Variants in PEBP4 observed in about 807,000 individuals in gnomAD.
PEBP4 encodes the protein phosphatidylethanolamine binding protein 4, also known as phosphatidylethanolamine-binding protein 4.
A neutral mutation model predicts 23.9 loss-of-function variants in PEBP4; 22 were observed. That is an observed-to-expected ratio of 0.92 (90% CI 0.66 to 1.31). The LOEUF is 1.31. PEBP4 is among the 40% of genes most tolerant of loss of function. The pLI, the probability that PEBP4 is intolerant of heterozygous loss-of-function variation, is 0.00. For synonymous variants in PEBP4, 112 were observed against 99.3 expected, an observed-to-expected ratio of 1.13 and a Z score of -0.76; for missense variants, 324 against 281.7, an observed-to-expected ratio of 1.15 and a Z score of -1.07.
At chr8:22,938,898 C>T (rs960513996) in intron 1 of PEBP4, among the ~76,000 whole-genome samples, 3 of 152,152 alleles carry the variant, frequency 2.0e-5, no homozygotes, top group Non-Finnish European at 4.4e-5. Flanking sequence ...TAAATAAGCA[C>T]GCACATATAA....
At chr8:22,818,401 T>A (rs1295713474) in intron 3 of PEBP4, among the ~76,000 whole-genome samples, 1 of 152,146 alleles carries the variant, frequency 6.6e-6, no homozygotes. Context: ...TGGGAAGTGT[T>A]CTGGAAGGAA....
chr8:22,741,744 G>A (rs1244545091), intron 4 of PEBP4, among the ~76,000 whole-genome samples: 5 of 152,306 alleles, frequency 3.3e-5, no homozygotes, highest in Middle Eastern at 6.8e-3. Context: ...GGAAGCCAGC[G>A]CCACCGTCCC....
At chr8:22,847,031 T>A (rs111573763) in intron 3 of PEBP4, among the ~76,000 whole-genome samples, 1 of 151,950 alleles carries the variant, frequency 6.6e-6, no homozygotes, top group African/African-American at 2.4e-5. Flanking sequence ...AAAAAGGGGA[T>A]CCTGGTAAAT....
At chr8:22,770,491 G>A (rs1274666220) in intron 4 of PEBP4, among the ~76,000 whole-genome samples, 1 of 152,192 alleles carries the variant, frequency 6.6e-6, no homozygotes, top group Non-Finnish European at 1.5e-5. Context: ...ATCCTTGGAG[G>A]CCCAGCCCAG....
At chr8:22,898,391 C>CAAAAAAAAAAAAAAAAA (rs536993520) in intron 3 of PEBP4, among the ~76,000 whole-genome samples, 1 of 7,972 alleles carries the variant, frequency 1.3e-4, no homozygotes, top group Admixed American at 1.5e-3. Context: ...GACTCCACCC[C>CAAAAAAAAAAAAAAAAA]AAAAAAAAAA....
rs758860034 is a variant in PEBP4 at position 22,713,324 on chromosome 8, G to C, written c.*46C>G. On this transcript the variant is annotated 3_prime_UTR_variant, in exon 7 of 7. Transcript: ENST00000256404. ...GAGGGGGTTCCATACCCACATCGTC[G>C]GTGGTGGGCAGTGTGGCCACATGCC... is the stretch of plus-strand genomic sequence containing the variant. 71 of 1,523,184 alleles carry C rather than the reference G, an allele frequency of 4.7e-5. No homozygotes were observed. The highest frequency in any genetic ancestry group is 6.1e-5 in the Non-Finnish European group (69 of 1,137,960). 94.4% of individuals were successfully genotyped at this position (1,523,184 alleles called of 1,614,324 possible).
At chr8:22,903,815 T>C (rs112077108) in intron 3 of PEBP4, among the ~76,000 whole-genome samples, 21 of 152,356 alleles carry the variant, frequency 1.4e-4, no homozygotes, top group Non-Finnish European at 2.1e-4. Context: ...CAGGGTTACC[T>C]GGTACCCAGC....
At position 22,765,923 on chromosome 8, in the gene PEBP4, A is replaced by G. The variant is rs1227980881; in HGVS notation, c.358-38703T>C. Among the ~76,000 whole-genome samples, 3 of 149,426 alleles carry G rather than the reference A, an allele frequency of 2.0e-5. No individual in the cohort carries two copies. In the Admixed American group the frequency reaches 2.0e-4, roughly 10 times the overall value. On this transcript the variant is annotated intron_variant, in intron 4 of 6. Transcript: ENST00000256404. The stretch of plus-strand genomic sequence containing the variant: ...ACCATTCATGGATCACCACCTGTGG[A>G]TCACCACCATTCATGGATCACCACC...
At chr8:22,892,067 C>A (rs536422173) in intron 3 of PEBP4, among the ~76,000 whole-genome samples, 2 of 149,606 alleles carry the variant, frequency 1.3e-5, no homozygotes, top group Non-Finnish European at 3.0e-5. Flanking sequence ...AGCAAGACTC[C>A]GTCTCAGAAA....
intron 3 of PEBP4, among the ~76,000 whole-genome samples, chr8:22,826,648 G>A (rs183366963): frequency 4.5e-4 from 68 of 152,290 alleles, no homozygotes; most frequent in African/African-American, 1.5e-3. Flanking sequence ...AAAAAGCAAG[G>A]CGCAGAACAG....
Position 22,758,496 on chromosome 8 carries a change from C to T in PEBP4, c.358-31276G>A, listed in dbSNP as rs187289242. On this transcript the variant is annotated intron_variant, in intron 4 of 6. Coordinates refer to ENST00000256404, the MANE Select transcript of PEBP4 (RefSeq NM_144962.3). ...TAGGTTGATTTGGCCTGTGGGCTGT[C>T]GTTTGCAGGGGGCCGGTTTACCTGG... Among the ~76,000 whole-genome samples the T allele has an allele frequency of 4.6e-3, 708 of 152,296 alleles. 6 individuals are homozygous for T. The highest frequency in any genetic ancestry group is 0.016 in the African/African-American group (681 of 41,542).
At chr8:22,719,355 T>G (rs1485675322) in intron 6 of PEBP4, among the ~76,000 whole-genome samples, 1 of 152,206 alleles carries the variant, frequency 6.6e-6, no homozygotes, top group Non-Finnish European at 1.5e-5. Context: ...GGATTTCCCC[T>G]GCTCGCTTGC....
chr8:22,729,571 C>T (rs56235220), intron 4 of PEBP4, among the ~76,000 whole-genome samples: 21,244 of 152,176 alleles, frequency 0.14, 1,907 homozygotes, highest in Middle Eastern at 0.21. Context: ...TCCTTTCACT[C>T]TGGGGAGCTT....
intron 3 of PEBP4, among the ~76,000 whole-genome samples, chr8:22,828,264 T>C (rs1807015032): frequency 6.6e-6 from 1 of 152,206 alleles, no homozygotes; most frequent in Admixed American, 6.5e-5. Flanking sequence ...CTTGAACTTC[T>C]GGTTTCCGGC....
intron 3 of PEBP4, among the ~76,000 whole-genome samples, chr8:22,876,505 A>G (rs1808124296): frequency 6.6e-6 from 1 of 152,198 alleles, no homozygotes; most frequent in Admixed American, 6.5e-5. Context: ...TTGGCAGGAC[A>G]ATACTTGGGA....
At chr8:22,883,133 T>C (rs148088364) in intron 3 of PEBP4, among the ~76,000 whole-genome samples, 161 of 152,250 alleles carry the variant, frequency 1.1e-3, no homozygotes, top group Middle Eastern at 6.8e-3. Context: ...CCCGACACCA[T>C]CAAAACAACA....
At chr8:22,717,101 C>T (rs991571204) in intron 6 of PEBP4, among the ~76,000 whole-genome samples, 3 of 152,180 alleles carry the variant, frequency 2.0e-5, no homozygotes, top group Non-Finnish European at 4.4e-5. Context: ...GTGGCACTAT[C>T]ACCTCTCATT....
chr8:22,739,349 A>G (rs1035124459), intron 4 of PEBP4, among the ~76,000 whole-genome samples: 14 of 152,136 alleles, frequency 9.2e-5, no homozygotes, highest in Non-Finnish European at 2.1e-4. Context: ...AGAAACTGCA[A>G]CTCAACTGGA....
At chr8:22,866,565 C>A (rs1807906548) in intron 3 of PEBP4, among the ~76,000 whole-genome samples, 1 of 152,136 alleles carries the variant, frequency 6.6e-6, no homozygotes, top group Non-Finnish European at 1.5e-5. Flanking sequence ...CAGTCTGACT[C>A]CAGAGGCCAC....
Sources: allele counts gnomAD v4.1 joint callset (sites outside exome capture counted in the v4.1 genomes callset), GRCh38; gene constraint gnomAD v4.1.1; transcripts MANE v1.5; gene names NCBI Gene and HGNC (gene_info 2026-07-23, HGNC 2026-07-21).